The following ASIC2 variants were observed in gnomAD, a reference collection of about 807,000 sequenced individuals.
The protein encoded by ASIC2 is acid sensing ion channel subunit 2.
ASIC2 carries 25 observed loss-of-function variants against 57.3 expected under a neutral mutation model. That is an observed-to-expected ratio of 0.44 (90% CI 0.32 to 0.61). The LOEUF is 0.61. Among genes scored for constraint, ASIC2 ranks in the 20% least tolerant of loss-of-function variants. The probability of loss-of-function intolerance (pLI) is 0.06; values close to 1 mark genes in which losing one functional copy is unlikely to be tolerated. For missense variants in ASIC2, 641 were observed against 738.1 expected (o/e 0.87, Z 1.52); for synonymous variants, 319 against 307.5 (o/e 1.04, Z -0.39).
At chr17:34,039,203 T>C in intron 1 of ASIC2, 1 of 1,613,994 alleles carries the variant, frequency 6.2e-7, no homozygotes, top group Non-Finnish European at 8.5e-7. Context: ...TCAGAATTCT[T>C]ACTGTTTTCT....
At chr17:33,499,592 G>C (rs1302724821) in intron 1 of ASIC2, among the ~76,000 whole-genome samples, 1 of 152,230 alleles carries the variant, frequency 6.6e-6, no homozygotes, top group Non-Finnish European at 1.5e-5. Context: ...AGAACTGTGA[G>C]ACAATATGTT....
intron 1 of ASIC2, among the ~76,000 whole-genome samples, chr17:33,558,094 G>A (rs1013000457): frequency 1.9e-4 from 29 of 151,904 alleles, no homozygotes; most frequent in Admixed American, 7.2e-4. Flanking sequence ...TTTTTCTTGC[G>A]TATGTGTAGG....
At chr17:33,271,967 C>G (rs1904509463) in intron 1 of ASIC2, among the ~76,000 whole-genome samples, 1 of 152,232 alleles carries the variant, frequency 6.6e-6, no homozygotes, top group African/African-American at 2.4e-5. Context: ...CTACTCTGCT[C>G]AAGACATACA....
intron 1 of ASIC2, among the ~76,000 whole-genome samples, chr17:33,369,099 G>A (rs1218094392): frequency 6.6e-6 from 1 of 152,152 alleles, no homozygotes; most frequent in African/African-American, 2.4e-5. Flanking sequence ...GGGAGCAAAT[G>A]CAAAAAGATC....
At chr17:33,210,469 A>T (rs771627887) in intron 1 of ASIC2, among the ~76,000 whole-genome samples, 18 of 152,086 alleles carry the variant, frequency 1.2e-4, no homozygotes, top group Non-Finnish European at 1.9e-4. Flanking sequence ...CTGCACTCTC[A>T]TCCCCTCCAC....
chr17:34,061,400 A>G (rs1338335047), intron 1 of ASIC2, among the ~76,000 whole-genome samples: 1 of 152,226 alleles, frequency 6.6e-6, no homozygotes, highest in African/African-American at 2.4e-5. Flanking sequence ...AATCTCTTCA[A>G]AGCATAAATC....
At chr17:33,602,264 A>G (rs1025785517) in intron 1 of ASIC2, among the ~76,000 whole-genome samples, 2 of 152,208 alleles carry the variant, frequency 1.3e-5, no homozygotes, top group Admixed American at 6.5e-5. Flanking sequence ...TGTGTCCCCC[A>G]AAGTTCCTGT....
intron 1 of ASIC2, among the ~76,000 whole-genome samples, chr17:33,380,091 C>CA (rs1309078569): frequency 6.6e-6 from 1 of 151,464 alleles, no homozygotes; most frequent in Non-Finnish European, 1.5e-5. Flanking sequence ...AGTAAAAATA[C>CA]AAAAATTAGC....
chr17:33,068,320 G>A (rs1471878210), intron 3 of ASIC2, among the ~76,000 whole-genome samples: 8 of 152,158 alleles, frequency 5.3e-5, no homozygotes, highest in Non-Finnish European at 1.0e-4. Context: ...TTGTGCCTGA[G>A]GTCAGGAGTT....
chr17:33,739,323 G>A (rs575572889), intron 1 of ASIC2, among the ~76,000 whole-genome samples: 1 of 152,310 alleles, frequency 6.6e-6, no homozygotes, highest in African/African-American at 2.4e-5. Context: ...TTCAAAGGGT[G>A]GAGGGAAGAG....
intron 1 of ASIC2, among the ~76,000 whole-genome samples, chr17:33,631,705 G>C (rs1220787524): frequency 4.6e-5 from 7 of 152,038 alleles, no homozygotes; most frequent in Non-Finnish European, 8.8e-5. Flanking sequence ...GAAGGGGAAG[G>C]GGGAGTCAAA....
chr17:33,261,817 G>A (rs903313008), intron 1 of ASIC2, among the ~76,000 whole-genome samples: 1 of 11,878 alleles, frequency 8.4e-5, no homozygotes, highest in Non-Finnish European at 1.5e-4. Context: ...TAGTCACGAC[G>A]AGGTGAACGT....
chr17:33,908,179 C>A (rs566716732), intron 1 of ASIC2, among the ~76,000 whole-genome samples: 1 of 152,186 alleles, frequency 6.6e-6, no homozygotes, highest in East Asian at 1.9e-4. Context: ...CTTAGAGACA[C>A]GGACCCCATG....
chr17:33,745,091 C>G (rs1910219975), intron 1 of ASIC2, among the ~76,000 whole-genome samples: 1 of 152,140 alleles, frequency 6.6e-6, no homozygotes, highest in Non-Finnish European at 1.5e-5. Flanking sequence ...ATAAATTTCA[C>G]AAAAATCTAC....
intron 1 of ASIC2, among the ~76,000 whole-genome samples, chr17:34,031,711 G>A (rs932160448): frequency 3.9e-5 from 6 of 152,226 alleles, no homozygotes; most frequent in South Asian, 2.1e-4. Flanking sequence ...GCTACGTGAC[G>A]AATGCAGAAG....
chr17:33,392,178 C>A (rs745502416), intron 1 of ASIC2, among the ~76,000 whole-genome samples: 1 of 17,166 alleles, frequency 5.8e-5, no homozygotes, highest in Non-Finnish European at 1.4e-4. Flanking sequence ...TTTCTTCCTT[C>A]CTTCCTTCCT....
Position 33,022,529 on chromosome 17 carries a change from C to T in ASIC2, c.1350-1219G>A, listed in dbSNP as rs116446165. On this transcript the variant is annotated intron_variant, in intron 6 of 9. Transcript: ENST00000225823. ...ATAAAGCCCACCCCCTGCACCCACT[C>T]GGCTCAGCCTACAAGACCCTCTTGC... Among the ~76,000 whole-genome samples, 517 of 152,324 alleles carry T rather than the reference C, an allele frequency of 3.4e-3. 5 individuals carry two copies. The highest frequency in any genetic ancestry group is 0.012 in the African/African-American group (495 of 41,580).
chr17:33,260,392 G>A (rs1909235258), intron 1 of ASIC2, among the ~76,000 whole-genome samples: 2 of 152,164 alleles, frequency 1.3e-5, no homozygotes, highest in South Asian at 4.1e-4. Flanking sequence ...CTCTGCAGGG[G>A]CCAGTTGGAG....
At chr17:33,600,434 A>T (rs1028809166) in intron 1 of ASIC2, among the ~76,000 whole-genome samples, 1 of 152,230 alleles carries the variant, frequency 6.6e-6, no homozygotes, top group African/African-American at 2.4e-5. Flanking sequence ...CTGTTATAGC[A>T]GTGCAAAACT....
Sources: allele counts gnomAD v4.1 joint callset (sites outside exome capture counted in the v4.1 genomes callset), GRCh38; gene constraint gnomAD v4.1.1; transcripts MANE v1.5; gene names NCBI Gene and HGNC (gene_info 2026-07-23, HGNC 2026-07-21).